ROCK1: variants seen among roughly 807,000 people sequenced by gnomAD.
The protein encoded by ROCK1 is Rho associated coiled-coil containing protein kinase 1, also known as rho-associated protein kinase 1.
In ROCK1, 36 loss-of-function variants were observed where a neutral mutation model predicts 196.8. The ratio of observed to expected loss-of-function variants is 0.18; its 90% CI spans 0.14 to 0.24. The LOEUF (loss-of-function observed/expected upper bound fraction) is 0.24. Ranked by LOEUF, ROCK1 falls within the 10% of genes least tolerant of loss-of-function variation. The probability of loss-of-function intolerance (pLI) is 1.00; values close to 1 mark genes in which losing one functional copy is unlikely to be tolerated. For missense variants in ROCK1, 920 were observed against 1,562.0 expected (o/e 0.59, Z 6.93); for synonymous variants, 443 against 515.9 (o/e 0.86, Z 1.91).
chr18:21,013,114 T>C (rs1471222993), intron 13 of ROCK1, among the ~76,000 whole-genome samples: 2 of 152,206 alleles, frequency 1.3e-5, no homozygotes, highest in African/African-American at 4.8e-5. Flanking sequence ...TTGGTATTAG[T>C]TTATTATTGT....
At position 21,015,796 on chromosome 18, in the gene ROCK1, AC is replaced by A. The variant is rs2035857556; in HGVS notation, c.1362-318del. Reference sequence around the variant, plus strand: ...AGACCAGCTTGGCCAACATGGTGAAACCCCGTCTCTACTAAAAATTAAAAAA... The same window carrying A: ...AGACCAGCTTGGCCAACATGGTGAAACCCGTCTCTACTAAAAATTAAAAAA... On this transcript the variant is annotated intron_variant, in intron 12 of 32. Coordinates refer to ENST00000399799, the MANE Select transcript of ROCK1 (RefSeq NM_005406.3). 2.0e-5 allele frequency among the ~76,000 whole-genome samples: 3 copies of A among 151,692 alleles called. No individual in the cohort carries two copies. In the South Asian group the frequency reaches 6.3e-4, roughly 32 times the overall value.
intron 22 of ROCK1, among the ~76,000 whole-genome samples, chr18:20,974,671 A>G (rs1216503715): frequency 6.6e-6 from 1 of 152,206 alleles, no homozygotes; most frequent in Non-Finnish European, 1.5e-5. Context: ...CCTACCTCTT[A>G]AAAGAATTCA....
intron 2 of ROCK1, among the ~76,000 whole-genome samples, chr18:21,062,518 T>C (rs1245545468): frequency 6.6e-6 from 1 of 152,150 alleles, no homozygotes; most frequent in East Asian, 1.9e-4. Context: ...TATATGCAGT[T>C]TATATTATAT....
intron 4 of ROCK1, among the ~76,000 whole-genome samples, chr18:21,048,273 A>G (rs2036177552): frequency 6.6e-6 from 1 of 152,168 alleles, no homozygotes; most frequent in African/African-American, 2.4e-5. Flanking sequence ...AAACCGAAAG[A>G]CAAGTATTAT....
intron 16 of ROCK1, among the ~76,000 whole-genome samples, chr18:21,000,647 A>T (rs565904561): frequency 6.6e-6 from 1 of 152,224 alleles, no homozygotes; most frequent in South Asian, 2.1e-4. Context: ...GGACAACTGG[A>T]TATTAGATGC....
intron 9 of ROCK1, among the ~76,000 whole-genome samples, chr18:21,037,666 A>G (rs1402375884): frequency 6.6e-6 from 1 of 152,160 alleles, no homozygotes; most frequent in Non-Finnish European, 1.5e-5. Flanking sequence ...TGCTAAATCT[A>G]ACCACGCTAG....
chr18:20,966,912 C>T lies in ROCK1; in HGVS notation c.3352+5G>A. ...CATGTTTGAATGATACAGAATTATT[C>T]TTACCTGGGAGGTTACCATCAGTTT... is the stretch of plus-strand genomic sequence containing the variant. On this transcript the variant is annotated splice_donor_5th_base_variant and intron_variant, in intron 27 of 32. Coordinates refer to ENST00000399799, the MANE Select transcript of ROCK1 (RefSeq NM_005406.3). 6.2e-7 allele frequency: 1 copy of T among 1,603,200 alleles called. No individual in the cohort carries two copies. The highest frequency in any genetic ancestry group is 8.5e-7 in the Non-Finnish European group (1 of 1,172,272).
intron 27 of ROCK1, among the ~76,000 whole-genome samples, chr18:20,965,972 C>T (rs1190278107): frequency 6.6e-6 from 1 of 152,118 alleles, no homozygotes; most frequent in Non-Finnish European, 1.5e-5. Flanking sequence ...CCTCTAGTTC[C>T]TTATATCAAA....
chr18:21,001,764 C>CA (rs768401552), intron 16 of ROCK1, among the ~76,000 whole-genome samples: 1,994 of 101,986 alleles, frequency 0.02, 42 homozygotes, highest in African/African-American at 0.059. Flanking sequence ...GGCTCCGTCT[C>CA]AAAAAAAAAA....
intron 23 of ROCK1, 147 bp downstream of exon 23, chr18:20,970,201 A>G: frequency 3.6e-6 from 2 of 548,018 alleles, no homozygotes; most frequent in Non-Finnish European, 6.2e-6. Flanking sequence ...GTATTATACA[A>G]ACTATTTTAT....
chr18:20,972,233 A>C (rs891947928), intron 22 of ROCK1, among the ~76,000 whole-genome samples: 1 of 152,178 alleles, frequency 6.6e-6, no homozygotes, highest in Non-Finnish European at 1.5e-5. Flanking sequence ...GTAAGAAAAA[A>C]AGAAGAGTCT....
Position 20,991,345 on chromosome 18 carries a change from A to G in ROCK1, c.1993-19T>C. On this transcript the variant is annotated intron_variant, in intron 17 of 32. Coordinates refer to ENST00000399799, the MANE Select transcript of ROCK1 (RefSeq NM_005406.3). ...TCTTTTCCTGTAAAATGGGAGTAGG[A>G]GTCATGTAATAAACTGTGCAGAAGG... 1 of 1,552,472 alleles carries G rather than the reference A, an allele frequency of 6.4e-7. No homozygotes were observed. Among genetic ancestry groups the G allele is most frequent in the Non-Finnish European group, 8.8e-7 (1 of 1,137,070 alleles).
rs754961365 is a variant in ROCK1 at position 21,023,674 on chromosome 18, T to C, written c.1218A>G (p.Leu406=). The C allele has an allele frequency of 1.6e-5, 25 of 1,568,940 alleles. 1 individual carries two copies. In the East Asian group the frequency reaches 4.8e-4, roughly 30 times the overall value. Residue 406 remains leucine, a synonymous_variant, in exon 11 of 33, where the codon TTA becomes TTG. Coordinates refer to ENST00000399799, the MANE Select transcript of ROCK1 (RefSeq NM_005406.3). ...TGTTATCATTAGGATTTGCTGAAGA[T>C]AAGTATCTGAGGGAAAGAAAAGTTT... The part of the protein sequence containing the change: ...GFTYYSNRRY[L]SSANPNDNRT...
intron 2 of ROCK1, among the ~76,000 whole-genome samples, chr18:21,069,135 C>A (rs1222419249): frequency 2.0e-5 from 3 of 152,096 alleles, no homozygotes; most frequent in Admixed American, 6.5e-5. Flanking sequence ...GCTTCCTTCA[C>A]TTCCTAGTTT....
At chr18:21,027,404 T>C (rs1385294222) in intron 10 of ROCK1, among the ~76,000 whole-genome samples, 1 of 152,206 alleles carries the variant, frequency 6.6e-6, no homozygotes, top group Non-Finnish European at 1.5e-5. Context: ...AAGATATCTG[T>C]GGAATGAATG....
intron 1 of ROCK1, among the ~76,000 whole-genome samples, chr18:21,093,234 C>T (rs1422367236): frequency 2.6e-5 from 4 of 152,168 alleles, no homozygotes; most frequent in Non-Finnish European, 4.4e-5. Context: ...GTCTTGTAAT[C>T]ACAAGTTCTC....
chr18:21,034,539 A>G (rs557371597), intron 9 of ROCK1, among the ~76,000 whole-genome samples: 15 of 152,214 alleles, frequency 9.9e-5, no homozygotes, highest in East Asian at 1.9e-4. Flanking sequence ...ACAACTTTCA[A>G]TGCAGGGAAA....
In ROCK1 at chr18:21,045,382, T is replaced by C. The variant is rs762044584; in HGVS notation, c.500A>G (p.Asn167Ser). 8 of 1,613,512 alleles carry C rather than the reference T, an allele frequency of 5.0e-6. No homozygotes were observed. The East Asian group carries it at 1.8e-4, about 36-fold the overall frequency. ...PGGDLVNLMSNYDVPEKWARF... is the reference protein window; with the variant it reads ...PGGDLVNLMSSYDVPEKWARF... ...TGCCCATTTTTCAGGCACATCATAGTTGCTCATTAAGTTTACAAGATCTCC... is the reference window on the plus strand; with the variant it reads ...TGCCCATTTTTCAGGCACATCATAGCTGCTCATTAAGTTTACAAGATCTCC... Residue 167 changes from asparagine (N) to serine (S), a missense_variant, in exon 5 of 33, where the codon AAC becomes AGC. This residue lies in a region of ROCK1 where 234 missense variants were observed against 460.7 expected (regional missense o/e 0.51). Coordinates refer to ENST00000399799, the MANE Select transcript of ROCK1 (RefSeq NM_005406.3).
intron 10 of ROCK1, among the ~76,000 whole-genome samples, chr18:21,027,919 G>A (rs1373934177): frequency 6.9e-6 from 1 of 145,522 alleles, no homozygotes; most frequent in East Asian, 2.0e-4. Flanking sequence ...CCGCTACCAC[G>A]CCCGGCTAAT....
Sources: allele counts gnomAD v4.1 joint callset (sites outside exome capture counted in the v4.1 genomes callset), GRCh38; gene constraint gnomAD v4.1.1; regional missense constraint gnomAD v4.1.1; transcripts MANE v1.5; gene names NCBI Gene and HGNC (gene_info 2026-07-23, HGNC 2026-07-21).